RAP1GDS1: variants seen among roughly 807,000 people sequenced by gnomAD.
RAP1GDS1 encodes the protein Rap1 GTPase-GDP dissociation stimulator 1, also known as RAP1, GTP-GDP dissociation stimulator 1.
A neutral mutation model predicts 71.1 loss-of-function variants in RAP1GDS1; 35 were observed. That is an observed-to-expected ratio of 0.49 (90% CI 0.38 to 0.65). The LOEUF is 0.65. RAP1GDS1 is among the 30% of genes least tolerant of loss of function. The probability of loss-of-function intolerance (pLI) is 0.00; values close to 1 mark genes in which losing one functional copy is unlikely to be tolerated. For missense variants in RAP1GDS1, 663 were observed against 706.1 expected, an observed-to-expected ratio of 0.94 and a Z score of 0.69; for synonymous variants, 229 against 243.1, an observed-to-expected ratio of 0.94 and a Z score of 0.54.
chr4:98,432,345 G>C (rs1215430873), intron 12 of RAP1GDS1, among the ~76,000 whole-genome samples: 1 of 152,064 alleles, frequency 6.6e-6, no homozygotes. Flanking sequence ...ATATGTATCT[G>C]TTCATCTCTT....
intron 1 of RAP1GDS1, among the ~76,000 whole-genome samples, chr4:98,267,211 G>A (rs1722813506): frequency 6.6e-6 from 1 of 152,070 alleles, no homozygotes. Context: ...GTCTGGCTTT[G>A]GTATCAGGGT....
intron 2 of RAP1GDS1, among the ~76,000 whole-genome samples, chr4:98,337,284 C>G (rs553670360): frequency 1.3e-5 from 2 of 152,298 alleles, no homozygotes; most frequent in South Asian, 4.1e-4. Flanking sequence ...TCCCAAAATA[C>G]TATACATCTC....
At chr4:98,348,899 T>C (rs1163061994) in intron 3 of RAP1GDS1, among the ~76,000 whole-genome samples, 1 of 152,198 alleles carries the variant, frequency 6.6e-6, no homozygotes, top group Non-Finnish European at 1.5e-5. Context: ...TGCAGAAATT[T>C]TCTCCCATTC....
chr4:98,309,649 A>G (rs1729914432), intron 2 of RAP1GDS1, among the ~76,000 whole-genome samples: 1 of 152,010 alleles, frequency 6.6e-6, no homozygotes, highest in Non-Finnish European at 1.5e-5. Flanking sequence ...AAAAATATAT[A>G]GATTCTAGTT....
At chr4:98,282,621 C>T (rs1230689936) in intron 1 of RAP1GDS1, among the ~76,000 whole-genome samples, 14 of 145,282 alleles carry the variant, frequency 9.6e-5, no homozygotes, top group African/African-American at 3.6e-4. Flanking sequence ...CTATCTCCTT[C>T]GGTTCTGCTC....
chr4:98,427,230 GC>G lies in RAP1GDS1; in HGVS notation c.1440+5838del, dbSNP rs376470690. 3.8e-3 allele frequency among the ~76,000 whole-genome samples: 582 copies of G among 152,096 alleles called. 6 individuals carry two copies. The highest frequency in any genetic ancestry group is 0.013 in the African/African-American group (557 of 41,498). ...AGTGACATACCTCAATATAATAAAAGCCGTCTATGAGAAACTCATATCCAAC... is the reference window on the plus strand; with the variant it reads ...AGTGACATACCTCAATATAATAAAAGCGTCTATGAGAAACTCATATCCAAC... On this transcript the variant is annotated intron_variant, in intron 12 of 14. Transcript: ENST00000408927.
intron 7 of RAP1GDS1, among the ~76,000 whole-genome samples, chr4:98,415,774 A>G (rs1046889671): frequency 1.3e-5 from 2 of 152,060 alleles, no homozygotes; most frequent in Admixed American, 1.3e-4. Flanking sequence ...GTTCAAGGTT[A>G]TTTTTTTCTT....
chr4:98,442,154 T>A lies in RAP1GDS1; in HGVS notation c.*37T>A, dbSNP rs79015512. On this transcript the variant is annotated 3_prime_UTR_variant, in exon 15 of 15. Coordinates refer to ENST00000408927, the MANE Select transcript of RAP1GDS1 (RefSeq NM_001100427.2). ...TACACGGCATCATCCCATCTCTAATTTCCCCTCTGTCCTCCATCCAGCGGC... is the reference window on the plus strand; with the variant it reads ...TACACGGCATCATCCCATCTCTAATATCCCCTCTGTCCTCCATCCAGCGGC... The A allele has an allele frequency of 2.5e-3, 4,034 of 1,603,648 alleles. 77 individuals carry two copies. The African/African-American group carries it at 0.041, about 16-fold the overall frequency.
At position 98,399,852 on chromosome 4, in the gene RAP1GDS1, G is replaced by C. The variant is rs547613412; in HGVS notation, c.638-4625G>C. ...GTCAACTAGCACAGCCACTAGGGAG[G>C]TTCCTCAAAAACCATAAATAGGCCA... On this transcript the variant is annotated intron_variant, in intron 6 of 14. Coordinates refer to ENST00000408927, the MANE Select transcript of RAP1GDS1 (RefSeq NM_001100427.2). 3.9e-5 allele frequency among the ~76,000 whole-genome samples: 6 copies of C among 152,164 alleles called. No homozygotes were observed. The South Asian group carries it at 8.3e-4, about 21-fold the overall frequency.
intron 4 of RAP1GDS1, among the ~76,000 whole-genome samples, chr4:98,368,244 G>T (rs1578613139): frequency 6.6e-6 from 1 of 152,100 alleles, no homozygotes; most frequent in African/African-American, 2.4e-5. Context: ...CTTGCCTTCT[G>T]CCATGATTGT....
At chr4:98,351,572 C>T (rs1221900961) in intron 3 of RAP1GDS1, among the ~76,000 whole-genome samples, 2 of 151,832 alleles carry the variant, frequency 1.3e-5, no homozygotes, top group Non-Finnish European at 2.9e-5. Flanking sequence ...TGTTAACTAA[C>T]TTTATTGACC....
chr4:98,430,451 C>A (rs1750240595), intron 12 of RAP1GDS1, among the ~76,000 whole-genome samples: 1 of 152,204 alleles, frequency 6.6e-6, no homozygotes, highest in African/African-American at 2.4e-5. Context: ...GTAGACATGA[C>A]TGCTTTTGAG....
chr4:98,364,100 C>G (rs1250677604), intron 4 of RAP1GDS1, among the ~76,000 whole-genome samples: 1 of 152,036 alleles, frequency 6.6e-6, no homozygotes, highest in African/African-American at 2.4e-5. Flanking sequence ...CATAGAGACA[C>G]AAGAAGAAAT....
chr4:98,427,806 G>A (rs4699630), intron 12 of RAP1GDS1, among the ~76,000 whole-genome samples: 13,526 of 151,926 alleles, frequency 0.089, 715 homozygotes, highest in Admixed American at 0.14. Context: ...CTACAAATTC[G>A]ATGTAGGTCC....
intron 6 of RAP1GDS1, among the ~76,000 whole-genome samples, chr4:98,395,434 T>C (rs1744387802): frequency 6.6e-6 from 1 of 152,198 alleles, no homozygotes. Context: ...TTCCATAATG[T>C]ATACCATGCC....
chr4:98,345,485 G>C (rs929095410), intron 3 of RAP1GDS1, among the ~76,000 whole-genome samples: 3 of 152,090 alleles, frequency 2.0e-5, no homozygotes, highest in Admixed American at 6.6e-5. Flanking sequence ...ATAAATTATA[G>C]TAAAAGATTT....
intron 3 of RAP1GDS1, among the ~76,000 whole-genome samples, chr4:98,343,647 T>A (rs1403802725): frequency 1.3e-5 from 2 of 152,232 alleles, no homozygotes; most frequent in Non-Finnish European, 2.9e-5. Context: ...CTGTTCTTTT[T>A]TAGTTTGGCC....
intron 4 of RAP1GDS1, among the ~76,000 whole-genome samples, chr4:98,355,747 C>A (rs1737864977): frequency 6.6e-6 from 1 of 152,140 alleles, no homozygotes; most frequent in Admixed American, 6.5e-5. Context: ...TTCAGTTTTA[C>A]CAGCCTTGAC....
chr4:98,422,002 C>G (rs888364557), intron 12 of RAP1GDS1, among the ~76,000 whole-genome samples: 3 of 151,758 alleles, frequency 2.0e-5, no homozygotes, highest in Non-Finnish European at 2.9e-5. Context: ...TCAAGACCAT[C>G]CTGGATAACA....
Sources: allele counts gnomAD v4.1 joint callset (sites outside exome capture counted in the v4.1 genomes callset), GRCh38; gene constraint gnomAD v4.1.1; transcripts MANE v1.5; gene names NCBI Gene and HGNC (gene_info 2026-07-23, HGNC 2026-07-21).